The following TET2 variants were observed in gnomAD, a reference collection of about 807,000 sequenced individuals.
TET2 encodes the protein tet methylcytosine dioxygenase 2.
In TET2, 299 loss-of-function variants were observed where a neutral mutation model predicts 142.9. The observed-to-expected ratio is 2.09, with a 90% CI of 1.90 to 2.30. TET2 has a LOEUF of 2.30. Ranked by LOEUF, TET2 falls within the 30% of genes most tolerant of loss-of-function variation. TET2 has a pLI of 0.00. For missense variants in TET2, 2,418 were observed against 2,378.0 expected (o/e 1.02, Z -0.35); for synonymous variants, 819 against 849.0 (o/e 0.96, Z 0.61).
intron 2 of TET2, among the ~76,000 whole-genome samples, chr4:105,224,669 T>C (rs1728061772): frequency 6.9e-6 from 1 of 144,172 alleles, no homozygotes; most frequent in Non-Finnish European, 1.5e-5. Context: ...GTTAACATAA[T>C]TGACATATCA....
At chr4:105,151,965 C>T (rs1354955504) in intron 1 of TET2, among the ~76,000 whole-genome samples, 1 of 152,084 alleles carries the variant, frequency 6.6e-6, no homozygotes, top group East Asian at 1.9e-4. Context: ...ATCCCAGCTA[C>T]TCAGGAGGCT....
intron 2 of TET2, among the ~76,000 whole-genome samples, chr4:105,211,945 A>G (rs1200058272): frequency 6.6e-6 from 1 of 152,218 alleles, no homozygotes; most frequent in East Asian, 1.9e-4. Context: ...AAGACTACTT[A>G]CTGTAACTTA....
At chr4:105,232,983 A>G (rs946689891) in intron 2 of TET2, among the ~76,000 whole-genome samples, 8 of 152,204 alleles carry the variant, frequency 5.3e-5, no homozygotes, top group African/African-American at 1.4e-4. Context: ...GTTAAAGAGA[A>G]TATGACATCA....
chr4:105,261,651 ATT>A (rs1170332769), intron 7 of TET2, 106 bp from the exon 8 acceptor site: 2 of 592,908 alleles, frequency 3.4e-6, no homozygotes, highest in African/African-American at 3.8e-5. Flanking sequence ...GGCACCATAT[ATT>A]GTGTTTGGGA....
rs778817838 is a variant in TET2 at position 105,235,800 on chromosome 4, T to C, written c.1858T>C (p.Tyr620His). 2 of 1,614,034 alleles carry C rather than the reference T, an allele frequency of 1.2e-6. No homozygotes were observed. Among genetic ancestry groups the C allele is most frequent in the Non-Finnish European group, 1.7e-6 (2 of 1,179,996 alleles). Residue 620 changes from tyrosine (Y) to histidine (H), a missense_variant, in exon 3 of 11, where the codon TAC becomes CAC. Transcript: ENST00000380013. ...NMPGGLPRQA[Y>H]TQKTTQLEHK... ...GCCTGGGGGGCTCCCAAGGCAAGCT[T>C]ACACCCAGAAAACAACACAGCTGGA...
intron 1 of TET2, among the ~76,000 whole-genome samples, chr4:105,169,363 AT>A (rs1209715566): frequency 6.6e-6 from 1 of 152,086 alleles, no homozygotes; most frequent in East Asian, 1.9e-4. Context: ...TTTGTTGGTC[AT>A]TTGTATATCT....
intron 6 of TET2, among the ~76,000 whole-genome samples, chr4:105,252,072 G>A (rs1729894746): frequency 6.6e-6 from 1 of 152,074 alleles, no homozygotes; most frequent in South Asian, 2.1e-4. Flanking sequence ...GTTCACCTTT[G>A]GTGTTATGTA....
At chr4:105,181,881 A>G (rs929934454) in intron 1 of TET2, among the ~76,000 whole-genome samples, 1 of 152,084 alleles carries the variant, frequency 6.6e-6, no homozygotes, top group Non-Finnish European at 1.5e-5. Context: ...AGCTTTTTAT[A>G]CTACTTTCTT....
At chr4:105,218,473 A>G (rs1727624285) in intron 2 of TET2, among the ~76,000 whole-genome samples, 1 of 152,120 alleles carries the variant, frequency 6.6e-6, no homozygotes. Flanking sequence ...ATGAGGTAAA[A>G]ATTACACCCT....
chr4:105,203,825 A>T (rs1048779415), intron 2 of TET2, among the ~76,000 whole-genome samples: 1 of 152,178 alleles, frequency 6.6e-6, no homozygotes, highest in Non-Finnish European at 1.5e-5. Context: ...GCCTCTGTGA[A>T]GTCATCCCAA....
intron 4 of TET2, chr4:105,241,736 G>A (rs138255305): frequency 0.011 from 14,090 of 1,256,270 alleles, 104 homozygotes; most frequent in Non-Finnish European, 0.013. Flanking sequence ...AGGCTCCAAC[G>A]AGAGGTCCCA....
intron 6 of TET2, among the ~76,000 whole-genome samples, chr4:105,246,057 A>G (rs771398068): frequency 5.3e-5 from 8 of 152,068 alleles, no homozygotes; most frequent in Non-Finnish European, 1.0e-4. Context: ...CAGCCTCCCG[A>G]GTAGCTAGAA....
chr4:105,204,788 G>C (rs970705352), intron 2 of TET2, among the ~76,000 whole-genome samples: 1 of 151,940 alleles, frequency 6.6e-6, no homozygotes, highest in Non-Finnish European at 1.5e-5. Context: ...AATATTCTCT[G>C]TATCTGTAGG....
chr4:105,156,219 A>C (rs763803831), intron 1 of TET2, among the ~76,000 whole-genome samples: 3 of 152,264 alleles, frequency 2.0e-5, no homozygotes, highest in South Asian at 4.1e-4. Context: ...TTTGTTGTTT[A>C]TTTTTAGCTT....
At chr4:105,168,925 T>C (rs2110407548) in intron 1 of TET2, among the ~76,000 whole-genome samples, 1 of 152,360 alleles carries the variant, frequency 6.6e-6, no homozygotes, top group Non-Finnish European at 1.5e-5. Flanking sequence ...ATTCATTCCT[T>C]TTTATGGCTG....
chr4:105,220,795 G>C (rs1226727684), intron 2 of TET2, among the ~76,000 whole-genome samples: 1 of 152,158 alleles, frequency 6.6e-6, no homozygotes, highest in Non-Finnish European at 1.5e-5. Context: ...TGATAGGAGA[G>C]ATCTGTCCTT....
At chr4:105,165,646 C>G (rs1244711618) in intron 1 of TET2, among the ~76,000 whole-genome samples, 2 of 152,154 alleles carry the variant, frequency 1.3e-5, no homozygotes, top group Non-Finnish European at 2.9e-5. Flanking sequence ...AAATGAATAG[C>G]AGACCCTCAA....
At chr4:105,265,616 T>C (rs1229777412) in intron 8 of TET2, among the ~76,000 whole-genome samples, 6 of 152,148 alleles carry the variant, frequency 3.9e-5, no homozygotes, top group African/African-American at 1.2e-4. Flanking sequence ...TGAGGTTAGA[T>C]AGACAAATAC....
intron 6 of TET2, among the ~76,000 whole-genome samples, chr4:105,253,484 GATCAACTT>G (rs1297382121): frequency 6.6e-6 from 1 of 150,908 alleles, no homozygotes; most frequent in African/African-American, 2.4e-5. Context: ...GCAGAAAAGT[GATCAACTT>G]TTGTATATTA....
Sources: gnomAD v4.1 joint callset for allele counts (sites outside exome capture counted in the v4.1 genomes callset) on GRCh38, gnomAD v4.1.1 for gene constraint, MANE v1.5 for transcripts, NCBI Gene and HGNC (gene_info 2026-07-23, HGNC 2026-07-21) for gene names.